KDM5B: variants seen among roughly 807,000 people sequenced by gnomAD.
KDM5B encodes the protein lysine-specific demethylase 5B.
KDM5B carries 144 observed loss-of-function variants against 193.4 expected under a neutral mutation model. That is an observed-to-expected ratio of 0.74 (90% CI 0.65 to 0.86). KDM5B has a LOEUF of 0.86. Among genes scored for constraint, KDM5B ranks in the 40% least tolerant of loss-of-function variants. The probability of loss-of-function intolerance (pLI) is 0.00; values close to 1 mark genes in which losing one functional copy is unlikely to be tolerated. For missense variants in KDM5B, 1,833 were observed against 1,886.9 expected, an observed-to-expected ratio of 0.97 and a Z score of 0.53; for synonymous variants, 668 against 682.6, an observed-to-expected ratio of 0.98 and a Z score of 0.33.
intron 20 of KDM5B, among the ~76,000 whole-genome samples, chr1:202,739,674 T>G (rs1372064715): frequency 6.6e-6 from 1 of 152,110 alleles, no homozygotes; most frequent in Non-Finnish European, 1.5e-5. Context: ...GTGGTGATGA[T>G]TCTTAATGAG....
At chr1:202,761,203 G>A (rs1216184168) in intron 7 of KDM5B, among the ~76,000 whole-genome samples, 1 of 152,158 alleles carries the variant, frequency 6.6e-6, no homozygotes, top group Admixed American at 6.5e-5. Context: ...CACTTTTGGG[G>A]GCCCTGGCAG....
At chr1:202,764,241 T>G in intron 5 of KDM5B, 96 bp from the exon 6 acceptor site, 1 of 623,222 alleles carries the variant, frequency 1.6e-6, no homozygotes, top group South Asian at 2.2e-5. Context: ...TCCTACCAAT[T>G]GCCTCTATTA....
intron 5 of KDM5B, among the ~76,000 whole-genome samples, chr1:202,765,646 T>C (rs749173422): frequency 3.3e-5 from 5 of 152,208 alleles, no homozygotes; most frequent in Admixed American, 6.5e-5. Context: ...TTCTGGGCAG[T>C]CTCCTTCATT....
At chr1:202,795,425 A>G (rs894757122) in intron 1 of KDM5B, among the ~76,000 whole-genome samples, 1 of 151,646 alleles carries the variant, frequency 6.6e-6, no homozygotes, top group African/African-American at 2.4e-5. Context: ...GCTGAGGCAG[A>G]CAGATCATCC....
intron 1 of KDM5B, among the ~76,000 whole-genome samples, chr1:202,792,839 C>T (rs1339920830): frequency 3.3e-5 from 5 of 151,328 alleles, no homozygotes; most frequent in African/African-American, 1.2e-4. Flanking sequence ...ACTAAAAATA[C>T]AAAAAAAATT....
chr1:202,760,411 T>G lies in KDM5B; in HGVS notation c.1077+4A>C. 6.3e-7 allele frequency: 1 copy of G among 1,592,784 alleles called. No individual in the cohort carries two copies. Among genetic ancestry groups the G allele is most frequent in the Non-Finnish European group, 8.5e-7 (1 of 1,171,274 alleles). ...CTAGTGTTACCTCTACTATTAATTA[T>G]TACCTGAGCCAAACACTTAGGACAC... On this transcript the variant is annotated splice_donor_region_variant and intron_variant, in intron 8 of 26. Coordinates refer to ENST00000367265, the MANE Select transcript of KDM5B (RefSeq NM_006618.5).
At chr1:202,786,202 G>A (rs1225622722) in intron 1 of KDM5B, among the ~76,000 whole-genome samples, 11 of 93,042 alleles carry the variant, frequency 1.2e-4, no homozygotes, top group African/African-American at 4.2e-4. Flanking sequence ...GGGGGGGGGG[G>A]TCTCACTATG....
In KDM5B at chr1:202,742,397, T is replaced by C; in HGVS notation, c.2583A>G (p.Leu861=). 1 of 1,610,802 alleles carries C rather than the reference T, an allele frequency of 6.2e-7. No individual in the cohort carries two copies. The highest frequency in any genetic ancestry group is 1.1e-5 in the South Asian group (1 of 91,018). The change falls in exon 18 of 27, where the codon TTA becomes TTG. Residue 861 remains leucine (L), a synonymous_variant. Transcript: ENST00000367265. The part of the protein sequence containing the change: ...ALPCVLSQTP[L]LKDLLNRVED... ...CACATCCCTCTATGGTTACCTTTAG[T>C]AATGGTGTCTGACTGAGGACACATG...
intron 5 of KDM5B, chr1:202,766,281 G>A (rs954734665): frequency 2.9e-5 from 7 of 243,660 alleles, no homozygotes; most frequent in African/African-American, 1.2e-4. Flanking sequence ...CAAGATGGGT[G>A]GATCACGAGG....
In KDM5B at chr1:202,750,924, A is replaced by C. The variant is rs1288474075; in HGVS notation, c.1702-146T>G. 4.2e-6 allele frequency: 3 copies of C among 707,538 alleles called. No homozygotes were observed. In the African/African-American group the frequency reaches 5.4e-5, roughly 13 times the overall value. The allele number at this position is 707,538 out of a possible 1,614,324, so 43.8% of individuals were successfully genotyped here. ...AGAAAAAACAAATTATTATAGTAGAATATCACCTAGAGATACTAATTTATG... is the reference window on the plus strand; with the variant it reads ...AGAAAAAACAAATTATTATAGTAGACTATCACCTAGAGATACTAATTTATG... On this transcript the variant is annotated intron_variant, in intron 12 of 26. Coordinates refer to ENST00000367265, the MANE Select transcript of KDM5B (RefSeq NM_006618.5).
chr1:202,771,475 G>A (rs533055202), intron 4 of KDM5B, among the ~76,000 whole-genome samples: 2 of 150,940 alleles, frequency 1.3e-5, no homozygotes, highest in Admixed American at 6.6e-5. Context: ...TCCTGACCTC[G>A]AACTCCTGAC....
chr1:202,761,258 C>A (rs370673364), intron 7 of KDM5B, among the ~76,000 whole-genome samples: 1 of 151,810 alleles, frequency 6.6e-6, no homozygotes, highest in Non-Finnish European at 1.5e-5. Context: ...GGCAACATGG[C>A]GAGACACTGT....
chr1:202,741,661 G>A lies in KDM5B; in HGVS notation c.2651C>T (p.Thr884Met), dbSNP rs781211319. The A allele has an allele frequency of 2.1e-5, 34 of 1,613,804 alleles. No individual in the cohort carries two copies. The highest frequency in any genetic ancestry group is 1.4e-4 in the South Asian group (13 of 91,090). ...GTCCTGCAGCTCCGCAGCACTAGGC[G>A]TTTCCTCAGAGAGTAGTTTCTGACT... ...QHSQKLLSEE[T>M]PSAAELQDLL... Residue 884 changes from threonine (T) to methionine (M), a missense_variant, in exon 19 of 27, where the codon ACG becomes ATG. Physicochemically the swap from Thr to Met is moderately conservative, Grantham distance 81. Coordinates refer to ENST00000367265, the MANE Select transcript of KDM5B (RefSeq NM_006618.5).
At chr1:202,784,343 T>C (rs949312079) in intron 1 of KDM5B, among the ~76,000 whole-genome samples, 1 of 152,190 alleles carries the variant, frequency 6.6e-6, no homozygotes, top group African/African-American at 2.4e-5. Flanking sequence ...CAAAAGCACA[T>C]TCTTGTTAGT....
intron 15 of KDM5B, 53 bp from the exon 16 acceptor site, chr1:202,746,035 CTAGATGTTT>C: frequency 6.2e-7 from 1 of 1,609,302 alleles, no homozygotes; most frequent in Non-Finnish European, 8.5e-7. Context: ...TTGGAGAAAA[CTAGATGTTT>C]TATACTTAAC....
intron 1 of KDM5B, among the ~76,000 whole-genome samples, chr1:202,783,713 T>C (rs1175590121): frequency 6.7e-6 from 1 of 148,794 alleles, no homozygotes; most frequent in Non-Finnish European, 1.5e-5. Flanking sequence ...CCATCTCTAC[T>C]AAAAAAAAAT....
In KDM5B at chr1:202,764,153, A is replaced by C. The variant is rs1301957201; in HGVS notation, c.712-8T>G. The C allele has an allele frequency of 7.3e-7, 1 of 1,363,044 alleles. No individual in the cohort carries two copies. The allele number at this position is 1,363,044 out of a possible 1,614,324, so 84.4% of individuals were successfully genotyped here. On this transcript the variant is annotated splice_polypyrimidine_tract_variant and splice_region_variant and intron_variant, in intron 5 of 26. Transcript: ENST00000367265. ...TATTTTAATATTCATGGCCTTAAAAAAATTGTCATATACATGAATATTTCC... is the reference window on the plus strand; with the variant it reads ...TATTTTAATATTCATGGCCTTAAAACAATTGTCATATACATGAATATTTCC...
rs763240468 is a variant in KDM5B, at chr1:202,729,076, C to G, written c.4595G>C (p.Cys1532Ser). The change falls in exon 27 of 27, where the codon TGT becomes TCT. Residue 1532 changes from cysteine (C) to serine (S), a missense_variant. Cys to Ser is a moderately radical substitution (Grantham distance 112). Transcript: ENST00000367265. ...PEMAEKEDYI[C>S]VRCTVKDAPS... ...TGCGTCCTTCACAGTACAGCGCACA[C>G]AGATGTAGTCTTCTTTCTCTGCCAT... 6.2e-7 allele frequency: 1 copy of G among 1,614,094 alleles called. No individual in the cohort carries two copies.
intron 5 of KDM5B, among the ~76,000 whole-genome samples, chr1:202,765,765 ATT>A (rs1656431038): frequency 6.6e-6 from 1 of 152,082 alleles, no homozygotes; most frequent in Admixed American, 6.6e-5. Context: ...GATTTTTTTC[ATT>A]TTTGATAATT....
Sources: gnomAD v4.1 joint callset for allele counts (sites outside exome capture counted in the v4.1 genomes callset) on GRCh38, gnomAD v4.1.1 for gene constraint, MANE v1.5 for transcripts, NCBI Gene and HGNC (gene_info 2026-07-23, HGNC 2026-07-21) for gene names.